Variants in OASL observed in about 807,000 individuals in gnomAD.
OASL encodes 2'-5'-oligoadenylate synthase-like protein.
OASL carries 28 observed loss-of-function variants against 35.3 expected under a neutral mutation model. The ratio of observed to expected loss-of-function variants is 0.79; its 90% CI spans 0.59 to 1.09. OASL has a LOEUF of 1.09. Ranked by LOEUF, OASL falls within the 50% of genes least tolerant of loss-of-function variation. OASL has a pLI of 0.00. For missense variants in OASL, 620 were observed against 635.2 expected, an observed-to-expected ratio of 0.98 and a Z score of 0.26; for synonymous variants, 252 against 254.6, an observed-to-expected ratio of 0.99 and a Z score of 0.10.
intron 2 of OASL, 61 bp downstream of exon 2, chr12:121,033,400 C>A: frequency 6.5e-7 from 1 of 1,547,392 alleles, no homozygotes. Context: ...AAAGGTGAGA[C>A]ACTGGGAAGT....
exon 6 of OASL, chr12:121,020,911 C>A: frequency 6.2e-7 from 1 of 1,614,188 alleles, no homozygotes; most frequent in Non-Finnish European, 8.5e-7. Context: ...CTGCCAGGAA[C>A]CTGGAAGGAC....
chr12:121,021,631 C>T (rs941661150), intron 5 of OASL, among the ~76,000 whole-genome samples: 5 of 152,140 alleles, frequency 3.3e-5, no homozygotes, highest in African/African-American at 1.2e-4. Flanking sequence ...GCCAACATGG[C>T]AAAACCTATC....
At chr12:121,025,680 T>G (rs1458560634) in intron 4 of OASL, among the ~76,000 whole-genome samples, 1 of 151,466 alleles carries the variant, frequency 6.6e-6, no homozygotes, top group East Asian at 1.9e-4. Flanking sequence ...GAGGATAGCT[T>G]GAACCCAGGA....
exon 6 of OASL, chr12:121,020,568 G>C: frequency 6.2e-7 from 1 of 1,600,644 alleles, no homozygotes; most frequent in Non-Finnish European, 8.5e-7. Context: ...AAACTAACTG[G>C]CTGGAAACAG....
intron 5 of OASL, among the ~76,000 whole-genome samples, 173 bp from the exon 6 acceptor site, chr12:121,021,231 C>G (rs1335680699): frequency 6.6e-6 from 1 of 152,176 alleles, no homozygotes; most frequent in Non-Finnish European, 1.5e-5. Context: ...CTTCCATACC[C>G]TTAATGCATT....
chr12:121,024,183 C>T, intron 4 of OASL, 46 bp from the exon 5 acceptor site: 6 of 1,580,466 alleles, frequency 3.8e-6, no homozygotes, highest in Non-Finnish European at 5.2e-6. Context: ...GGTTTGAAGG[C>T]CTTCAAGCCA....
intron 1 of OASL, among the ~76,000 whole-genome samples, chr12:121,035,540 C>CA (rs1377710112): frequency 2.3e-5 from 1 of 42,976 alleles, no homozygotes; most frequent in Non-Finnish European, 4.7e-5. Flanking sequence ...AACAAAACAA[C>CA]AAAAAAAAAC....
intron 5 of OASL, among the ~76,000 whole-genome samples, chr12:121,022,862 G>A (rs1209434227): frequency 6.6e-6 from 1 of 152,126 alleles, no homozygotes; most frequent in Non-Finnish European, 1.5e-5. Context: ...GACCCCCAGA[G>A]CCCCTGGTTC....
At chr12:121,034,902 G>C (rs1869889241) in intron 1 of OASL, among the ~76,000 whole-genome samples, 1 of 152,132 alleles carries the variant, frequency 6.6e-6, no homozygotes, top group Non-Finnish European at 1.5e-5. Context: ...TTTCCTGTTA[G>C]TAATGGAAGG....
At chr12:121,020,763 T>A (rs367892992) in exon 6 of OASL, 1 of 1,614,130 alleles carries the variant, frequency 6.2e-7, no homozygotes, top group South Asian at 1.1e-5. Flanking sequence ...GTTGATGGCA[T>A]AGGCGTAGCT....
chr12:121,038,815 G>T, exon 1 of OASL: 1 of 1,614,032 alleles, frequency 6.2e-7, no homozygotes, highest in Non-Finnish European at 8.5e-7. Flanking sequence ...TCCAGCCCAC[G>T]CTTCCCCTGG....
intron 1 of OASL, among the ~76,000 whole-genome samples, chr12:121,035,050 A>G (rs1023896535): frequency 3.3e-5 from 5 of 151,372 alleles, no homozygotes; most frequent in Non-Finnish European, 7.4e-5. Context: ...ATTGCTAGGG[A>G]GGCATCAGAC....
chr12:121,024,657 T>G (rs1035571042), intron 4 of OASL, among the ~76,000 whole-genome samples: 1 of 151,230 alleles, frequency 6.6e-6, no homozygotes, highest in Non-Finnish European at 1.5e-5. Context: ...GTGCCTTAAG[T>G]GTTTGCAAGG....
downstream of OASL, among the ~76,000 whole-genome samples, chr12:121,017,987 G>T (rs1350837665): frequency 6.6e-6 from 1 of 152,146 alleles, no homozygotes; most frequent in Non-Finnish European, 1.5e-5. Flanking sequence ...TTATGCAAGT[G>T]GTTTATCTAT....
chr12:121,019,031 C>G (rs1333301078), downstream of OASL: 5 of 152,628 alleles, frequency 3.3e-5, no homozygotes, highest in African/African-American at 1.2e-4. Flanking sequence ...GCCTCCAGAG[C>G]TGTAAGAAAT....
chr12:121,032,869 C>A (rs920065022), intron 2 of OASL, among the ~76,000 whole-genome samples: 2 of 152,084 alleles, frequency 1.3e-5, no homozygotes, highest in Admixed American at 6.6e-5. Context: ...CCAGGCCACC[C>A]CATTCTTTTT....
intron 3 of OASL, among the ~76,000 whole-genome samples, chr12:121,029,714 A>C (rs887921257): frequency 4.6e-5 from 7 of 152,146 alleles, no homozygotes; most frequent in African/African-American, 1.7e-4. Context: ...TAAGTTAATT[A>C]ATTTGTTTTG....
downstream of OASL, among the ~76,000 whole-genome samples, chr12:121,018,912 C>T (rs1350873136): frequency 6.6e-6 from 1 of 151,074 alleles, no homozygotes; most frequent in East Asian, 1.9e-4. Context: ...CTAGAGACAC[C>T]TTTGCCTCTT....
At chr12:121,033,162 G>T (rs1213531509) in intron 2 of OASL, among the ~76,000 whole-genome samples, 1 of 152,016 alleles carries the variant, frequency 6.6e-6, no homozygotes, top group Non-Finnish European at 1.5e-5. Context: ...CTGACCTCAT[G>T]ATCCACCTGC....
Sources: gnomAD v4.1 joint callset for allele counts (sites outside exome capture counted in the v4.1 genomes callset) on GRCh38, gnomAD v4.1.1 for gene constraint, MANE v1.5 for transcripts, NCBI Gene and HGNC (gene_info 2026-07-23, HGNC 2026-07-21) for gene names.